Variants in LRP1B observed in about 807,000 individuals in gnomAD.
The protein encoded by LRP1B is LDL receptor related protein 1B, also known as low-density lipoprotein receptor-related protein 1B.
A neutral mutation model predicts 556.6 loss-of-function variants in LRP1B; 217 were observed. The ratio of observed to expected loss-of-function variants is 0.39; its 90% CI spans 0.35 to 0.44. The LOEUF is 0.44. Among genes scored for constraint, LRP1B ranks in the 20% least tolerant of loss-of-function variants. The probability of loss-of-function intolerance (pLI) is 1.00; values close to 1 mark genes in which losing one functional copy is unlikely to be tolerated. For synonymous variants in LRP1B, 2,047 were observed against 1,865.8 expected, an observed-to-expected ratio of 1.10 and a Z score of -2.50; for missense variants, 5,053 against 5,620.8, an observed-to-expected ratio of 0.90 and a Z score of 3.23.
chr2:140,324,809 T>C (rs1365158476), intron 80 of LRP1B, among the ~76,000 whole-genome samples: 1 of 151,636 alleles, frequency 6.6e-6, no homozygotes, highest in Admixed American at 6.6e-5. Flanking sequence ...CATGAAATAG[T>C]AAAATGTGTA....
At chr2:141,248,765 A>G (rs1275107852) in intron 4 of LRP1B, among the ~76,000 whole-genome samples, 2 of 152,194 alleles carry the variant, frequency 1.3e-5, no homozygotes, top group Admixed American at 1.3e-4. Flanking sequence ...GCATTTTAAA[A>G]CTAAAAACAC....
chr2:140,383,844 T>C (rs1403680645), intron 67 of LRP1B, among the ~76,000 whole-genome samples: 8 of 152,150 alleles, frequency 5.3e-5, no homozygotes, highest in Non-Finnish European at 1.2e-4. Flanking sequence ...CCACACATAA[T>C]TGGGTATTTT....
chr2:140,849,915 C>A (rs927952784), intron 29 of LRP1B, among the ~76,000 whole-genome samples, 187 bp downstream of exon 29: 1 of 151,802 alleles, frequency 6.6e-6, no homozygotes, highest in Non-Finnish European at 1.5e-5. Flanking sequence ...TATCAGTCTG[C>A]TCTGTGCAAT....
chr2:140,261,539 C>T (rs1681937727), intron 86 of LRP1B, among the ~76,000 whole-genome samples: 1 of 151,746 alleles, frequency 6.6e-6, no homozygotes, highest in Non-Finnish European at 1.5e-5. Context: ...CAAATAAACA[C>T]ACCTAATTAT....
At chr2:141,085,475 C>T (rs544605273) in intron 7 of LRP1B, among the ~76,000 whole-genome samples, 1 of 152,164 alleles carries the variant, frequency 6.6e-6, no homozygotes, top group Non-Finnish European at 1.5e-5. Flanking sequence ...AATGAGGACC[C>T]ACAGACAGGC....
At chr2:141,166,951 A>T (rs1164492141) in intron 7 of LRP1B, among the ~76,000 whole-genome samples, 1 of 152,026 alleles carries the variant, frequency 6.6e-6, no homozygotes, top group Middle Eastern at 3.2e-3. Flanking sequence ...ATAACATAAT[A>T]TATTCATAGA....
intron 1 of LRP1B, among the ~76,000 whole-genome samples, chr2:141,931,388 G>T (rs7597980): frequency 4.0e-5 from 6 of 151,762 alleles, no homozygotes; most frequent in Non-Finnish European, 8.8e-5. Flanking sequence ...TTTTAAAAGG[G>T]GTGGCACTGA....
chr2:141,147,499 T>C (rs927854910), intron 7 of LRP1B, among the ~76,000 whole-genome samples: 5 of 152,210 alleles, frequency 3.3e-5, no homozygotes, highest in Non-Finnish European at 7.3e-5. Flanking sequence ...GTAAAATATG[T>C]ATTAACAGAG....
intron 7 of LRP1B, among the ~76,000 whole-genome samples, chr2:141,135,519 C>T (rs1242590313): frequency 3.3e-5 from 5 of 151,966 alleles, no homozygotes; most frequent in South Asian, 2.1e-4. Context: ...CACATGCACA[C>T]GCGTGCACAC....
At chr2:140,345,759 CATATATACACATATATATACAT>C (rs879718941) in intron 77 of LRP1B, among the ~76,000 whole-genome samples, 4,607 of 117,488 alleles carry the variant, frequency 0.039, 161 homozygotes, top group African/African-American at 0.094. Flanking sequence ...CACATATATA[CATATATACACATATATATACAT>C]ATATATACAC....
intron 3 of LRP1B, among the ~76,000 whole-genome samples, chr2:141,366,535 T>C (rs763906513): frequency 2.6e-5 from 4 of 152,226 alleles, no homozygotes; most frequent in East Asian, 3.8e-4. Flanking sequence ...ATTTCAGATA[T>C]TGCATTTCCT....
In LRP1B at chr2:140,966,884, T is replaced by G. The variant is rs1696240416; in HGVS notation, c.2888-14944A>C. On this transcript the variant is annotated intron_variant, in intron 18 of 90. Coordinates refer to ENST00000389484, the MANE Select transcript of LRP1B (RefSeq NM_018557.3). Reference sequence around the variant, plus strand: ...GTGGTATTATTTCTGAGGGCTTTGTTCTGTTCCATTGGTCTGTATCTCTGT... The same window carrying G: ...GTGGTATTATTTCTGAGGGCTTTGTGCTGTTCCATTGGTCTGTATCTCTGT... Among the ~76,000 whole-genome samples, 4 of 152,194 alleles carry G rather than the reference T, an allele frequency of 2.6e-5. No individual in the cohort carries two copies. In the South Asian group the frequency reaches 8.3e-4, roughly 31 times the overall value.
At chr2:142,020,306 T>G (rs535703524) in intron 1 of LRP1B, among the ~76,000 whole-genome samples, 1 of 152,204 alleles carries the variant, frequency 6.6e-6, no homozygotes, top group East Asian at 1.9e-4. Context: ...AAAGCATGCT[T>G]TGGAATGTCT....
chr2:141,312,716 T>A (rs543605945), intron 3 of LRP1B, among the ~76,000 whole-genome samples: 97 of 151,826 alleles, frequency 6.4e-4, no homozygotes, highest in African/African-American at 2.2e-3. Context: ...TGTGATGAAG[T>A]CTTGCTCTGC....
intron 3 of LRP1B, among the ~76,000 whole-genome samples, chr2:141,389,633 G>A (rs188239393): frequency 1.3e-5 from 2 of 152,126 alleles, no homozygotes; most frequent in African/African-American, 2.4e-5. Context: ...CAGATAAACT[G>A]GACTTCATCA....
At chr2:140,459,296 T>G (rs16844021) in intron 60 of LRP1B, among the ~76,000 whole-genome samples, 3 of 152,166 alleles carry the variant, frequency 2.0e-5, no homozygotes, top group Non-Finnish European at 4.4e-5. Flanking sequence ...ATCTTGGTGA[T>G]GGGTGATTAT....
At chr2:140,907,345 T>G (rs779686714) in intron 22 of LRP1B, among the ~76,000 whole-genome samples, 1 of 152,102 alleles carries the variant, frequency 6.6e-6, no homozygotes, top group Non-Finnish European at 1.5e-5. Context: ...TCATTTTAAC[T>G]AGATAAGGCA....
intron 3 of LRP1B, among the ~76,000 whole-genome samples, chr2:141,478,113 A>G (rs1288879000): frequency 6.6e-6 from 1 of 152,220 alleles, no homozygotes; most frequent in East Asian, 1.9e-4. Flanking sequence ...CTTTTCAAGG[A>G]TCAAAATAAA....
chr2:140,547,792 T>C (rs757589625), intron 43 of LRP1B, among the ~76,000 whole-genome samples: 3 of 152,102 alleles, frequency 2.0e-5, no homozygotes, highest in Admixed American at 6.6e-5. Context: ...TTTAGAACTA[T>C]AGACTTTTGT....
Sources: allele counts gnomAD v4.1 joint callset (sites outside exome capture counted in the v4.1 genomes callset), GRCh38; gene constraint gnomAD v4.1.1; transcripts MANE v1.5; gene names NCBI Gene and HGNC (gene_info 2026-07-23, HGNC 2026-07-21).